Variants in RNPC3 observed in about 807,000 individuals in gnomAD.
RNPC3 encodes RNA binding region (RNP1, RRM) containing 3, also known as RNA-binding region-containing protein 3.
Under a neutral mutation model 67.5 loss-of-function variants are expected in RNPC3, and 48 were observed. The observed-to-expected ratio is 0.71, with a 90% CI of 0.56 to 0.90. RNPC3 has a LOEUF of 0.90. Ranked by LOEUF, RNPC3 falls within the 40% of genes least tolerant of loss-of-function variation. The pLI is 0.00. For synonymous variants in RNPC3, 239 were observed against 210.3 expected (o/e 1.14, Z -1.18); for missense variants, 637 against 626.1 (o/e 1.02, Z -0.19).
intron 12 of RNPC3, 38 bp downstream of exon 12, chr1:103,547,073 G>T: frequency 8.4e-7 from 1 of 1,197,530 alleles, no homozygotes; most frequent in Non-Finnish European, 1.1e-6. Context: ...ATTATATTTT[G>T]TTTTTATCTA....
chr1:103,531,058 A>G (rs1650845682), intron 2 of RNPC3, among the ~76,000 whole-genome samples: 1 of 152,146 alleles, frequency 6.6e-6, no homozygotes, highest in South Asian at 2.1e-4. Flanking sequence ...TTGGGTCCTC[A>G]TAGCTTAGCT....
chr1:103,551,864 AAGGT>A, intron 14 of RNPC3, 72 bp downstream of exon 14: 1 of 843,124 alleles, frequency 1.2e-6, no homozygotes, highest in Non-Finnish European at 1.8e-6. Flanking sequence ...AAAGTTTGAC[AAGGT>A]AGTAATTCAG....
intron 2 of RNPC3, among the ~76,000 whole-genome samples, chr1:103,531,986 A>G (rs550726070): frequency 6.6e-6 from 1 of 152,286 alleles, no homozygotes; most frequent in East Asian, 1.9e-4. Flanking sequence ...TCCTTGATCC[A>G]TCTTGAGTTG....
intron 14 of RNPC3, chr1:103,553,446 T>C (rs1651449200): frequency 6.6e-6 from 1 of 152,220 alleles, no homozygotes; most frequent in Non-Finnish European, 1.5e-5. Context: ...AATGAAATAT[T>C]TCTAAAATTA....
chr1:103,536,268 G>C lies in RNPC3; in HGVS notation c.624+74G>C. 4 of 1,022,210 alleles carry C rather than the reference G, an allele frequency of 3.9e-6. No homozygotes were observed. In the South Asian group the frequency reaches 5.5e-5, roughly 14 times the overall value. The allele number at this position is 1,022,210 out of a possible 1,614,324, so 63.3% of individuals were successfully genotyped here. A position where few individuals can be genotyped will look rare whatever the true frequency, so the allele number is the denominator to read the frequency against. ...GGATTATTGAGGCTGAATTATACAGGTGTTGTAGCAACCTCTGATGTACAT... is the reference window on the plus strand; with the variant it reads ...GGATTATTGAGGCTGAATTATACAGCTGTTGTAGCAACCTCTGATGTACAT... On this transcript the variant is annotated intron_variant, in intron 6 of 14. Transcript: ENST00000423855.
chr1:103,555,002 C>T (rs982823763), intron 14 of RNPC3, 32 bp from the exon 15 acceptor site: 2 of 151,998 alleles, frequency 1.3e-5, no homozygotes, highest in African/African-American at 2.4e-5. Flanking sequence ...TGTTATACTT[C>T]CTATTTTTAA....
intron 7 of RNPC3, among the ~76,000 whole-genome samples, chr1:103,539,395 G>A (rs1271151127): frequency 6.6e-6 from 1 of 152,236 alleles, no homozygotes; most frequent in African/African-American, 2.4e-5. Flanking sequence ...TAAAATGGGA[G>A]TGAATACACT....
At chr1:103,533,189 A>G (rs1460136781) in intron 2 of RNPC3, among the ~76,000 whole-genome samples, 4 of 152,068 alleles carry the variant, frequency 2.6e-5, no homozygotes, top group African/African-American at 9.7e-5. Context: ...GATAACAGAT[A>G]GCATGCATAT....
intron 7 of RNPC3, among the ~76,000 whole-genome samples, chr1:103,538,556 C>A (rs573572497): frequency 2.0e-5 from 3 of 152,136 alleles, no homozygotes; most frequent in Non-Finnish European, 4.4e-5. Flanking sequence ...ACATATCAAA[C>A]AAGGTAATGT....
chr1:103,538,614 A>G (rs1350600924), intron 7 of RNPC3, among the ~76,000 whole-genome samples: 1 of 152,224 alleles, frequency 6.6e-6, no homozygotes, highest in East Asian at 1.9e-4. Context: ...CAAGAACCTA[A>G]TGCTGAATTT....
chr1:103,535,425 C>T lies in RNPC3; in HGVS notation c.539C>T (p.Pro180Leu). Residue 180 changes from proline (P) to leucine (L), a missense_variant, in exon 5 of 15, where the codon CCT becomes CTT. Coordinates refer to ENST00000423855, the MANE Select transcript of RNPC3 (RefSeq NM_017619.4). ...ANIVNALASV[P>L]KFYVQVLHLM... ...ATTGTAAATGCCTTGGCAAGCGTGC[C>T]TAAGTTCTATGTACAGGTAAGTAGA... 6.5e-7 allele frequency: 1 copy of T among 1,534,292 alleles called. No individual in the cohort carries two copies. Among genetic ancestry groups the T allele is most frequent in the Non-Finnish European group, 8.7e-7 (1 of 1,144,526 alleles).
In RNPC3 at chr1:103,545,117, T is replaced by A. The variant is rs1487538026; in HGVS notation, c.1207+15T>A. 3.9e-6 allele frequency: 6 copies of A among 1,521,462 alleles called. No individual in the cohort carries two copies. The highest frequency in any genetic ancestry group is 5.3e-6 in the Non-Finnish European group (6 of 1,138,828). The allele number at this position is 1,521,462 out of a possible 1,614,324, so 94.2% of individuals were successfully genotyped here. ...TTCTAGAGAAGGTAATGTCACGAAA[T>A]AAACTAAGCACATATTCCATTTTAC... On this transcript the variant is annotated intron_variant, in intron 10 of 14. Coordinates refer to ENST00000423855, the MANE Select transcript of RNPC3 (RefSeq NM_017619.4).
intron 7 of RNPC3, among the ~76,000 whole-genome samples, chr1:103,539,257 T>C (rs1317278322): frequency 6.6e-6 from 1 of 152,182 alleles, no homozygotes; most frequent in Non-Finnish European, 1.5e-5. Context: ...CCAAGCAGAC[T>C]CTGAGCAACA....
At chr1:103,530,038 T>C (rs564318305) in intron 2 of RNPC3, among the ~76,000 whole-genome samples, 26 of 151,610 alleles carry the variant, frequency 1.7e-4, no homozygotes, top group African/African-American at 6.0e-4. Context: ...ATCAGTTTCA[T>C]CTCGAAACCA....
Position 103,537,470 on chromosome 1 carries a change from T to C in RNPC3, c.753T>C (p.Asp251=), listed in dbSNP as rs750643359. ...SEESEYESTD[D]EDRQRMNKLM... is the part of the protein sequence containing the mutation. ...AATCAGAATATGAAAGCACTGATGA[T>C]GAGGACCGACAGAGGTTTGTAACAT... Residue 251 remains aspartate (D), a synonymous_variant, in exon 7 of 15, where the codon GAT becomes GAC. Transcript: ENST00000423855. The C allele has an allele frequency of 1.3e-6, 2 of 1,536,258 alleles. No individual in the cohort carries two copies. Among genetic ancestry groups the C allele is most frequent in the South Asian group, 2.4e-5 (2 of 83,868 alleles).
intron 10 of RNPC3, chr1:103,545,530 C>T (rs1651222745): frequency 6.5e-6 from 1 of 153,482 alleles, no homozygotes; most frequent in Non-Finnish European, 1.4e-5. Flanking sequence ...TGATAATTTT[C>T]TACTTCTCAA....
At chr1:103,544,220 A>T (rs1651192458) in intron 9 of RNPC3, among the ~76,000 whole-genome samples, 1 of 151,714 alleles carries the variant, frequency 6.6e-6, no homozygotes, top group Non-Finnish European at 1.5e-5. Flanking sequence ...TATCCTGTAT[A>T]TGTATGAACA....
At chr1:103,539,479 A>G (rs985572468) in intron 7 of RNPC3, among the ~76,000 whole-genome samples, 1 of 152,242 alleles carries the variant, frequency 6.6e-6, no homozygotes, top group African/African-American at 2.4e-5. Context: ...GTTGAGTGTT[A>G]ACTGCGGACT....
At chr1:103,536,691 TTGAG>T (rs987340970) in intron 6 of RNPC3, among the ~76,000 whole-genome samples, 8 of 152,172 alleles carry the variant, frequency 5.3e-5, no homozygotes, top group African/African-American at 4.8e-5. Flanking sequence ...TATTAATACT[TTGAG>T]TGTTCATATA....
Sources: gnomAD v4.1 joint callset for allele counts (sites outside exome capture counted in the v4.1 genomes callset) on GRCh38, gnomAD v4.1.1 for gene constraint, MANE v1.5 for transcripts, NCBI Gene and HGNC (gene_info 2026-07-23, HGNC 2026-07-21) for gene names.